The following ERGIC2 variants were observed in gnomAD, a reference collection of about 807,000 sequenced individuals.
ERGIC2 encodes the protein ERGIC and golgi 2, also known as endoplasmic reticulum-Golgi intermediate compartment protein 2.
In ERGIC2, 31 loss-of-function variants were observed where a neutral mutation model predicts 52.5. The observed-to-expected ratio is 0.59, with a 90% CI of 0.44 to 0.80. ERGIC2 has a LOEUF of 0.80. Among genes scored for constraint, ERGIC2 ranks in the 30% least tolerant of loss-of-function variants. ERGIC2 has a pLI of 0.00. For synonymous variants in ERGIC2, 129 were observed against 140.6 expected (o/e 0.92, Z 0.58); for missense variants, 395 against 455.2 (o/e 0.87, Z 1.20).
intron 3 of ERGIC2, among the ~76,000 whole-genome samples, chr12:29,368,553 G>A (rs1940395806): frequency 1.3e-5 from 2 of 151,682 alleles, no homozygotes; most frequent in Admixed American, 6.6e-5. Flanking sequence ...ATAACTCTAA[G>A]CAACTCAGAA....
In ERGIC2 at chr12:29,340,345, C is replaced by T. The variant is rs1287896777; in HGVS notation, c.*811G>A. ...CTTTTTATAACTCACCCTATGTTGC[C>T]CAAAATACACCAATAATATAATGAT... On this transcript the variant is annotated 3_prime_UTR_variant, in exon 14 of 14. Coordinates refer to ENST00000360150, the MANE Select transcript of ERGIC2 (RefSeq NM_016570.3). 6.6e-6 allele frequency: 1 copy of T among 151,966 alleles called. No individual in the cohort carries two copies. The highest frequency in any genetic ancestry group is 1.5e-5 in the Non-Finnish European group (1 of 68,016). 9.4% of individuals were successfully genotyped at this position (151,966 alleles called of 1,614,324 possible).
At position 29,338,350 on chromosome 12, in the gene ERGIC2, G is replaced by C. The variant is rs1949811753; in HGVS notation, c.*2806C>G. The stretch of plus-strand genomic sequence containing the variant: ...TATTAATCATCTAACTTGAGAACTA[G>C]AAGTAATTTGGGTGCCAGGTGCAGT... On this transcript the variant is annotated 3_prime_UTR_variant, in exon 14 of 14. Coordinates refer to ENST00000360150, the MANE Select transcript of ERGIC2 (RefSeq NM_016570.3). The C allele has an allele frequency of 6.6e-6, 1 of 151,752 alleles. No homozygotes were observed. Among genetic ancestry groups the C allele is most frequent in the African/African-American group, 2.4e-5 (1 of 41,294 alleles). The allele number at this position is 151,752 out of a possible 1,614,324, so 9.4% of individuals were successfully genotyped here.
At chr12:29,373,502 C>CA (rs910518447) in intron 1 of ERGIC2, among the ~76,000 whole-genome samples, 4 of 151,682 alleles carry the variant, frequency 2.6e-5, no homozygotes, top group African/African-American at 9.7e-5. Flanking sequence ...AAAGAATAGG[C>CA]AAAAGAAAGA....
chr12:29,351,564 A>T (rs1315630587), intron 8 of ERGIC2, among the ~76,000 whole-genome samples: 2 of 152,090 alleles, frequency 1.3e-5, no homozygotes, highest in African/African-American at 4.8e-5. Context: ...ACTACTCAAA[A>T]TCTCCTGGCT....
chr12:29,345,414 A>G, intron 11 of ERGIC2, 29 bp downstream of exon 11: 1 of 1,264,804 alleles, frequency 7.9e-7, no homozygotes, highest in South Asian at 1.3e-5. Flanking sequence ...AAAATCACCA[A>G]ATTATTTTAC....
At chr12:29,356,738 C>G (rs1178860634) in intron 7 of ERGIC2, among the ~76,000 whole-genome samples, 1 of 151,878 alleles carries the variant, frequency 6.6e-6, no homozygotes, top group East Asian at 1.9e-4. Flanking sequence ...AGGACTAAGT[C>G]CAGTGACAGA....
chr12:29,352,227 GTAATACAAAAGCAGCCATATA>G (rs1292077464), intron 8 of ERGIC2, among the ~76,000 whole-genome samples: 6 of 152,186 alleles, frequency 3.9e-5, no homozygotes, highest in Non-Finnish European at 7.4e-5. Flanking sequence ...CTGTGGTACT[GTAATACAAAAGCAGCCATATA>G]TAAACAAATG....
chr12:29,342,291 G>C (rs1949845640), intron 12 of ERGIC2, among the ~76,000 whole-genome samples: 1 of 152,220 alleles, frequency 6.6e-6, no homozygotes, highest in Non-Finnish European at 1.5e-5. Context: ...TGGGATTATA[G>C]GCATGAGCCA....
At chr12:29,350,484 T>C (rs1940116207) in intron 8 of ERGIC2, among the ~76,000 whole-genome samples, 1 of 152,080 alleles carries the variant, frequency 6.6e-6, no homozygotes, top group South Asian at 2.1e-4. Context: ...AAACTGACCA[T>C]AAATCTTTAT....
At chr12:29,344,569 T>G (rs1432360898) in intron 11 of ERGIC2, among the ~76,000 whole-genome samples, 1 of 152,094 alleles carries the variant, frequency 6.6e-6, no homozygotes, top group African/African-American at 2.4e-5. Flanking sequence ...TACATATATA[T>G]GCAGTTATAT....
intron 10 of ERGIC2, among the ~76,000 whole-genome samples, chr12:29,347,409 T>G (rs1940069387): frequency 6.6e-6 from 1 of 152,224 alleles, no homozygotes; most frequent in Non-Finnish European, 1.5e-5. Flanking sequence ...CTGCCTGCAA[T>G]GCTCTCAAAA....
Position 29,341,051 on chromosome 12 carries a change from G to T in ERGIC2, c.*105C>A. 1.2e-6 allele frequency: 1 copy of T among 809,066 alleles called. No homozygotes were observed. 50.1% of individuals were successfully genotyped at this position (809,066 alleles called of 1,614,324 possible). On this transcript the variant is annotated 3_prime_UTR_variant, in exon 14 of 14. Coordinates refer to ENST00000360150, the MANE Select transcript of ERGIC2 (RefSeq NM_016570.3). ...CTTTTTTAAAATAAGTATGTTTTCT[G>T]CTTATTTGTGTTTTCTTTTCTTTGA...
In ERGIC2 at chr12:29,338,940, G is replaced by A. The variant is rs972649556; in HGVS notation, c.*2216C>T. 2.6e-5 allele frequency: 4 copies of A among 152,302 alleles called. No individual in the cohort carries two copies. Among genetic ancestry groups the A allele is most frequent in the Admixed American group, 6.5e-5 (1 of 15,292 alleles). The allele number at this position is 152,302 out of a possible 1,614,324, so 9.4% of individuals were successfully genotyped here. A position where few individuals can be genotyped will look rare whatever the true frequency, so the allele number is the denominator to read the frequency against. On this transcript the variant is annotated 3_prime_UTR_variant, in exon 14 of 14. Coordinates refer to ENST00000360150, the MANE Select transcript of ERGIC2 (RefSeq NM_016570.3). ...CTGGCTGGAGGCACCTCCAGGCATAGGGAAAGTTGCATAACAGGTAGGTGA... is the reference window on the plus strand; with the variant it reads ...CTGGCTGGAGGCACCTCCAGGCATAAGGAAAGTTGCATAACAGGTAGGTGA...
Position 29,343,260 on chromosome 12 carries a change from G to A in ERGIC2, c.848C>T (p.Ala283Val), listed in dbSNP as rs1422147471. The stretch of plus-strand genomic sequence containing the variant: ...TATCCCAGAGACTCCATGGCTGCCT[G>A]CAGCATGGTTAATGATACGTTCCTA... Reference protein sequence around the residue: ...TERERIINHAAGSHGVSGIFM... With the variant: ...TERERIINHAVGSHGVSGIFM... Residue 283 changes from alanine (A) to valine (V), a missense_variant, in exon 12 of 14, where the codon GCA (alanine) becomes GTA (valine). Coordinates refer to ENST00000360150, the MANE Select transcript of ERGIC2 (RefSeq NM_016570.3). The A allele has an allele frequency of 1.3e-6, 2 of 1,597,184 alleles. No individual in the cohort carries two copies. The highest frequency in any genetic ancestry group is 2.3e-5 in the South Asian group (2 of 88,016).
At chr12:29,357,167 A>C (rs1158856899) in intron 7 of ERGIC2, among the ~76,000 whole-genome samples, 4 of 152,038 alleles carry the variant, frequency 2.6e-5, no homozygotes, top group African/African-American at 9.7e-5. Context: ...ACGGAGTTTC[A>C]CCATGTTGGT....
At chr12:29,377,442 T>G (rs541952053) in intron 1 of ERGIC2, among the ~76,000 whole-genome samples, 1 of 152,330 alleles carries the variant, frequency 6.6e-6, no homozygotes, top group South Asian at 2.1e-4. Context: ...TTGTATACTT[T>G]AAATGATCTT....
chr12:29,379,634 T>C (rs1180510744), intron 1 of ERGIC2, among the ~76,000 whole-genome samples: 2 of 152,210 alleles, frequency 1.3e-5, no homozygotes, highest in African/African-American at 4.8e-5. Flanking sequence ...CAGGTATTGT[T>C]CTAAATGCTT....
rs1001885037 is a variant in ERGIC2 at position 29,340,566 on chromosome 12, A to T, written c.*590T>A. 5.0e-6 allele frequency: 1 copy of T among 201,546 alleles called. No homozygotes were observed. Among genetic ancestry groups the T allele is most frequent in the Non-Finnish European group, 1.0e-5 (1 of 99,204 alleles). The allele number at this position is 201,546 out of a possible 1,614,324, so 12.5% of individuals were successfully genotyped here. ...CAATAACCAGAGTTCAAAGAAAAGTAGTTACTTTTTAAGACCAAATTATTG... is the reference window on the plus strand; with the variant it reads ...CAATAACCAGAGTTCAAAGAAAAGTTGTTACTTTTTAAGACCAAATTATTG... On this transcript the variant is annotated 3_prime_UTR_variant, in exon 14 of 14. Transcript: ENST00000360150.
chr12:29,369,216 C>A (rs554806269), intron 3 of ERGIC2, among the ~76,000 whole-genome samples: 8 of 151,854 alleles, frequency 5.3e-5, no homozygotes, highest in Admixed American at 2.6e-4. Flanking sequence ...CCTCACCATG[C>A]TTATGTGGCG....
Sources: gnomAD v4.1 joint callset for allele counts (sites outside exome capture counted in the v4.1 genomes callset) on GRCh38, gnomAD v4.1.1 for gene constraint, MANE v1.5 for transcripts, NCBI Gene and HGNC (gene_info 2026-07-23, HGNC 2026-07-21) for gene names.